MKLN1: variants seen among roughly 807,000 people sequenced by gnomAD.
MKLN1 encodes muskelin 1.
In MKLN1, 18 loss-of-function variants were observed where a neutral mutation model predicts 99.0. The observed-to-expected ratio is 0.18, with a 90% CI of 0.13 to 0.27. The LOEUF (loss-of-function observed/expected upper bound fraction) is 0.27. Ranked by LOEUF, MKLN1 falls within the 10% of genes least tolerant of loss-of-function variation. The pLI, the probability that MKLN1 is intolerant of heterozygous loss-of-function variation, is 1.00. For missense variants in MKLN1, 621 were observed against 875.9 expected (o/e 0.71, Z 3.67); for synonymous variants, 288 against 293.2 (o/e 0.98, Z 0.18).
intron 8 of MKLN1, among the ~76,000 whole-genome samples, chr7:131,427,584 A>G (rs1795394729): frequency 6.6e-6 from 1 of 152,112 alleles, no homozygotes; most frequent in African/African-American, 2.4e-5. Flanking sequence ...ACAGAGTCTC[A>G]CACTGTCACC....
At chr7:131,448,435 A>T (rs1377917721) in intron 12 of MKLN1, among the ~76,000 whole-genome samples, 5 of 152,144 alleles carry the variant, frequency 3.3e-5, no homozygotes, top group Admixed American at 3.3e-4. Flanking sequence ...TTTTTATTTA[A>T]TTTTGTTGTG....
intron 2 of MKLN1, among the ~76,000 whole-genome samples, chr7:131,179,102 C>G (rs1796342686): frequency 6.6e-6 from 1 of 152,122 alleles, no homozygotes; most frequent in Admixed American, 6.5e-5. Flanking sequence ...TAAGCATATT[C>G]CTGTATCTCA....
At chr7:131,239,616 C>A (rs1797372340) in intron 3 of MKLN1, among the ~76,000 whole-genome samples, 1 of 152,140 alleles carries the variant, frequency 6.6e-6, no homozygotes, top group Non-Finnish European at 1.5e-5. Context: ...CCACACCCAG[C>A]CCTCATTTTT....
intron 12 of MKLN1, among the ~76,000 whole-genome samples, chr7:131,453,054 A>G (rs1796230235): frequency 6.6e-6 from 1 of 152,168 alleles, no homozygotes; most frequent in Non-Finnish European, 1.5e-5. Flanking sequence ...CAGAGTATCT[A>G]CTTTTTGCCT....
intron 9 of MKLN1, among the ~76,000 whole-genome samples, chr7:131,435,102 CAT>C (rs1388011945): frequency 6.6e-6 from 1 of 152,156 alleles, no homozygotes; most frequent in Non-Finnish European, 1.5e-5. Flanking sequence ...GCTCTTTTTA[CAT>C]ATGTATTGAT....
chr7:131,204,558 G>A (rs1796777565), intron 3 of MKLN1, among the ~76,000 whole-genome samples: 1 of 152,200 alleles, frequency 6.6e-6, no homozygotes, highest in Non-Finnish European at 1.5e-5. Context: ...TAGGCCGGGT[G>A]CGGTGGCTCA....
intron 3 of MKLN1, among the ~76,000 whole-genome samples, chr7:131,213,770 A>T (rs546560205): frequency 1.3e-5 from 2 of 152,154 alleles, no homozygotes; most frequent in South Asian, 2.1e-4. Flanking sequence ...GAATTTAAAA[A>T]TTTTGCCAAT....
intron 3 of MKLN1, among the ~76,000 whole-genome samples, chr7:131,224,495 A>C (rs1447417420): frequency 6.6e-6 from 1 of 152,132 alleles, no homozygotes. Flanking sequence ...ACGGTGAGCC[A>C]AGATCACACC....
chr7:131,225,522 G>A (rs1797134312), intron 3 of MKLN1, among the ~76,000 whole-genome samples: 1 of 152,142 alleles, frequency 6.6e-6, no homozygotes, highest in Admixed American at 6.5e-5. Context: ...GTCAGTGTCA[G>A]GTCCATGGGC....
At chr7:131,403,002 A>G (rs978917452) in intron 6 of MKLN1, among the ~76,000 whole-genome samples, 4 of 152,132 alleles carry the variant, frequency 2.6e-5, no homozygotes, top group Non-Finnish European at 4.4e-5. Flanking sequence ...AGACAGTCAC[A>G]CTATCCTTTA....
At chr7:131,254,702 C>T (rs368918912) in intron 3 of MKLN1, among the ~76,000 whole-genome samples, 1 of 151,012 alleles carries the variant, frequency 6.6e-6, no homozygotes, top group Non-Finnish European at 1.5e-5. Flanking sequence ...AATTGGCATA[C>T]GAAAGAATCA....
intron 3 of MKLN1, among the ~76,000 whole-genome samples, chr7:131,301,023 G>T (rs780479678): frequency 6.6e-6 from 1 of 152,140 alleles, no homozygotes; most frequent in Non-Finnish European, 1.5e-5. Flanking sequence ...AAGACTTAAC[G>T]TGAGAAAGTC....
chr7:131,476,937 T>C (rs1214106511), intron 16 of MKLN1, among the ~76,000 whole-genome samples: 1 of 152,194 alleles, frequency 6.6e-6, no homozygotes, highest in Non-Finnish European at 1.5e-5. Flanking sequence ...CCCATACGTA[T>C]GTGGTCAGTT....
chr7:131,445,754 T>C lies in MKLN1; in HGVS notation c.1396-20T>C. 6.3e-7 allele frequency: 1 copy of C among 1,582,272 alleles called. No individual in the cohort carries two copies. Reference sequence around the variant, plus strand: ...GAAGTGATAAGTTACTCCTTTCTTTTTTTTTTTCTTCTTTTTCAGAAAAAT... The same window carrying C: ...GAAGTGATAAGTTACTCCTTTCTTTCTTTTTTTCTTCTTTTTCAGAAAAAT... On this transcript the variant is annotated intron_variant, in intron 11 of 17. Transcript: ENST00000352689.
chr7:131,482,864 C>T (rs868272481), intron 17 of MKLN1, among the ~76,000 whole-genome samples: 3 of 152,166 alleles, frequency 2.0e-5, no homozygotes, highest in South Asian at 2.1e-4. Flanking sequence ...ATGATTATCC[C>T]CACAGTAGCC....
At chr7:131,406,653 C>T (rs1794718001) in intron 6 of MKLN1, among the ~76,000 whole-genome samples, 1 of 152,012 alleles carries the variant, frequency 6.6e-6, no homozygotes, top group Non-Finnish European at 1.5e-5. Flanking sequence ...TAAGCCCATC[C>T]TTTAGAATTT....
At chr7:131,329,521 A>T (rs539477007) in intron 1 of MKLN1, among the ~76,000 whole-genome samples, 2 of 152,134 alleles carry the variant, frequency 1.3e-5, no homozygotes, top group Admixed American at 1.3e-4. Flanking sequence ...GCTTTTTTCT[A>T]TACCCAGGCT....
intron 2 of MKLN1, among the ~76,000 whole-genome samples, chr7:131,152,225 G>T (rs1009448934): frequency 1.3e-5 from 2 of 152,132 alleles, no homozygotes; most frequent in African/African-American, 4.8e-5. Context: ...AGGAGAATAA[G>T]GTGGGAGGAT....
At chr7:131,450,119 A>G (rs1796136872) in intron 12 of MKLN1, among the ~76,000 whole-genome samples, 2 of 152,144 alleles carry the variant, frequency 1.3e-5, no homozygotes, top group South Asian at 4.2e-4. Context: ...GTTTGGGCTA[A>G]CATCACCTAT....
Sources: gnomAD v4.1 joint callset for allele counts (sites outside exome capture counted in the v4.1 genomes callset) on GRCh38, gnomAD v4.1.1 for gene constraint, MANE v1.5 for transcripts, NCBI Gene and HGNC (gene_info 2026-07-23, HGNC 2026-07-21) for gene names.